The following HPSE2 variants were observed in gnomAD, a reference collection of about 807,000 sequenced individuals.
HPSE2 encodes inactive heparanase-2.
In HPSE2, 38 loss-of-function variants were observed where a neutral mutation model predicts 60.5. The ratio of observed to expected loss-of-function variants is 0.63; its 90% CI spans 0.48 to 0.82. HPSE2 has a LOEUF of 0.82. HPSE2 is among the 40% of genes least tolerant of loss of function. The pLI is 0.00. For missense variants in HPSE2, 713 were observed against 740.4 expected (o/e 0.96, Z 0.43); for synonymous variants, 295 against 293.2 (o/e 1.01, Z -0.06).
chr10:99,305,977 G>GCGCACACACA, the HPSE2 span, among the ~76,000 whole-genome samples: 1 of 53,728 alleles, frequency 1.9e-5, no homozygotes, highest in East Asian at 4.1e-4. Context: ...GCGCGCGCGC[G>GCGCACACACA]CGCACACACA....
chr10:98,589,690 A>T (rs188646357), intron 9 of HPSE2, among the ~76,000 whole-genome samples: 9 of 152,284 alleles, frequency 5.9e-5, no homozygotes, highest in Admixed American at 5.9e-4. Context: ...CCACAGTCAC[A>T]TCATATGATC....
chr10:98,909,490 CGTG>C (rs771379022), intron 3 of HPSE2, among the ~76,000 whole-genome samples: 2 of 151,382 alleles, frequency 1.3e-5, no homozygotes, highest in Non-Finnish European at 2.9e-5. Flanking sequence ...ATTAGCTGGG[CGTG>C]GTGGTGGGCG....
At chr10:98,970,503 C>T (rs769093062) in intron 3 of HPSE2, among the ~76,000 whole-genome samples, 50 of 152,088 alleles carry the variant, frequency 3.3e-4, no homozygotes, top group Non-Finnish European at 6.2e-4. Flanking sequence ...AACGTCTTTG[C>T]CCCAATGAGG....
At chr10:99,261,344 C>T in the HPSE2 span, among the ~76,000 whole-genome samples, 1 of 152,170 alleles carries the variant, frequency 6.6e-6, no homozygotes, top group Non-Finnish European at 1.5e-5. Flanking sequence ...CTCCCCTCCT[C>T]ACACCCGGTC....
chr10:98,601,788 A>G (rs1365332021), intron 9 of HPSE2, among the ~76,000 whole-genome samples: 3 of 152,040 alleles, frequency 2.0e-5, no homozygotes, highest in South Asian at 2.1e-4. Flanking sequence ...ATTTGGGCCC[A>G]CTGCGTTGTT....
In HPSE2 at chr10:99,185,026, G is replaced by A. The variant is rs953843340; in HGVS notation, c.449-40627C>T. ...GTCAAAACTTCTAAATTGGCTGGGT[G>A]CAGTGCTTCACACCTGTAATCCCAG... On this transcript the variant is annotated intron_variant, in intron 2 of 11. Transcript: ENST00000370552. Among the ~76,000 whole-genome samples the A allele has an allele frequency of 2.0e-5, 3 of 151,548 alleles. No homozygotes were observed. The South Asian group carries it at 6.3e-4, about 32-fold the overall frequency.
At chr10:98,644,258 G>A (rs893354641) in intron 6 of HPSE2, among the ~76,000 whole-genome samples, 3 of 152,242 alleles carry the variant, frequency 2.0e-5, no homozygotes, top group Non-Finnish European at 2.9e-5. Context: ...TGCTGGGCAC[G>A]GGACCTGTCA....
At chr10:98,613,336 T>C (rs1368909724) in intron 9 of HPSE2, among the ~76,000 whole-genome samples, 2 of 152,230 alleles carry the variant, frequency 1.3e-5, no homozygotes, top group Non-Finnish European at 2.9e-5. Context: ...AACTCTCTTT[T>C]ACCCCTCTCC....
At position 98,549,898 on chromosome 10, in the gene HPSE2, T is replaced by C. The variant is rs564496972; in HGVS notation, c.1321-59702A>G. ...TTACCAGATCTATTCCTGAGCAATATCATCTACTCCCACGGTTCAGCTCTA... is the reference window on the plus strand; with the variant it reads ...TTACCAGATCTATTCCTGAGCAATACCATCTACTCCCACGGTTCAGCTCTA... On this transcript the variant is annotated intron_variant, in intron 9 of 11. Coordinates refer to ENST00000370552, the MANE Select transcript of HPSE2 (RefSeq NM_021828.5). Among the ~76,000 whole-genome samples the C allele has an allele frequency of 4.6e-5, 7 of 152,288 alleles. No individual in the cohort carries two copies. In the South Asian group the frequency reaches 8.3e-4, roughly 18 times the overall value.
At chr10:98,795,685 T>C (rs1280346248) in intron 3 of HPSE2, among the ~76,000 whole-genome samples, 9 of 152,208 alleles carry the variant, frequency 5.9e-5, no homozygotes, top group Non-Finnish European at 1.2e-4. Context: ...CCTAGGAAGA[T>C]ACCAGCCAGG....
At chr10:99,133,347 G>A in intron 3 of HPSE2, among the ~76,000 whole-genome samples, 1 of 152,216 alleles carries the variant, frequency 6.6e-6, no homozygotes, top group East Asian at 1.9e-4. Context: ...TGATGGCTCT[G>A]AAGAGAGCAG....
intron 3 of HPSE2, among the ~76,000 whole-genome samples, chr10:98,840,294 T>C: frequency 6.6e-6 from 1 of 152,176 alleles, no homozygotes; most frequent in Non-Finnish European, 1.5e-5. Context: ...CAGGGGTAGA[T>C]GGCAGAAGGT....
chr10:98,961,064 T>C (rs372347085), intron 3 of HPSE2, among the ~76,000 whole-genome samples: 17 of 45,170 alleles, frequency 3.8e-4, no homozygotes, highest in South Asian at 3.7e-3. Flanking sequence ...CTACAAAGGA[T>C]ATGAACTCAT....
the HPSE2 span, among the ~76,000 whole-genome samples, chr10:99,315,659 T>C: frequency 6.6e-6 from 1 of 152,200 alleles, no homozygotes; most frequent in East Asian, 1.9e-4. Context: ...TGGTTATTTC[T>C]ATGGCGATTT....
intron 3 of HPSE2, among the ~76,000 whole-genome samples, chr10:99,071,033 G>A (rs971412968): frequency 2.6e-5 from 4 of 151,596 alleles, no homozygotes; most frequent in Non-Finnish European, 5.9e-5. Flanking sequence ...TGCAGAAGTG[G>A]GATTGCTAGA....
chr10:98,539,672 C>T (rs577979561), intron 9 of HPSE2, among the ~76,000 whole-genome samples: 1 of 152,290 alleles, frequency 6.6e-6, no homozygotes, highest in South Asian at 2.1e-4. Flanking sequence ...CTCTGTATCT[C>T]CTTCTTTTTT....
intron 3 of HPSE2, among the ~76,000 whole-genome samples, chr10:98,955,347 T>G (rs1244242170): frequency 6.6e-6 from 1 of 152,094 alleles, no homozygotes; most frequent in Non-Finnish European, 1.5e-5. Flanking sequence ...GACAAACATA[T>G]TTTTTTAAAA....
At position 98,620,646 on chromosome 10, in the gene HPSE2, A is replaced by G; in HGVS notation, c.1161T>C (p.Ala387=). 1.9e-6 allele frequency: 3 copies of G among 1,614,134 alleles called. No individual in the cohort carries two copies. Among genetic ancestry groups the G allele is most frequent in the Non-Finnish European group, 2.5e-6 (3 of 1,180,002 alleles). Residue 387 remains alanine (A), a synonymous_variant, in exon 8 of 12, where the codon GCT becomes GCC. Transcript: ENST00000370552. ...IWLEGVVTTS[A]GGTNNLSDSY... ...AATCGGATAGATTGTTTGTGCCTCC[A>G]GCTGAGGTGGTCACCACACCTTCAA...
At chr10:98,925,221 T>C (rs1954417489) in intron 3 of HPSE2, among the ~76,000 whole-genome samples, 1 of 152,232 alleles carries the variant, frequency 6.6e-6, no homozygotes, top group African/African-American at 2.4e-5. Flanking sequence ...ACTTGATTGT[T>C]GGTTTTTGTG....
Sources: gnomAD v4.1 joint callset for allele counts (sites outside exome capture counted in the v4.1 genomes callset) on GRCh38, gnomAD v4.1.1 for gene constraint, MANE v1.5 for transcripts, NCBI Gene and HGNC (gene_info 2026-07-23, HGNC 2026-07-21) for gene names.